Variants in AEBP1 observed in about 807,000 individuals in gnomAD.
AEBP1 encodes AE binding protein 1, also known as adipocyte enhancer-binding protein 1.
In AEBP1, 69 loss-of-function variants were observed where a neutral mutation model predicts 116.5. The ratio of observed to expected loss-of-function variants is 0.59; its 90% confidence interval spans 0.49 to 0.72. AEBP1 has a LOEUF of 0.72. AEBP1 is among the 30% of genes least tolerant of loss of function. The pLI is 0.00. For synonymous variants in AEBP1, 627 were observed against 627.3 expected, an observed-to-expected ratio of 1.00 and a Z score of 0.01; for missense variants, 1,444 against 1,557.5, an observed-to-expected ratio of 0.93 and a Z score of 1.23.
Position 44,113,533 on chromosome 7 carries a change from G to A in AEBP1, c.2810-61G>A. Reference sequence around the variant, plus strand: ...AGGGCGGGGCTGGGGGCAGGACTGAGTGGGAGGGTGGGGGCCTGGGAGGGG... The same window carrying A: ...AGGGCGGGGCTGGGGGCAGGACTGAATGGGAGGGTGGGGGCCTGGGAGGGG... On this transcript the variant is annotated intron_variant, in intron 20 of 20. Coordinates refer to ENST00000223357, the MANE Select transcript of AEBP1 (RefSeq NM_001129.5). This position sits in a 1 kb window ranked among gnomAD's most constrained non-coding sequence, Gnocchi z 5.3. 1 of 1,476,168 alleles carries A rather than the reference G, an allele frequency of 6.8e-7. No homozygotes were observed. The highest frequency in any genetic ancestry group is 2.5e-5 in the East Asian group (1 of 40,650). The allele number at this position is 1,476,168 out of a possible 1,614,324, so 91.4% of individuals were successfully genotyped here. A position where few individuals can be genotyped will look rare whatever the true frequency, so the allele number is the denominator to read the frequency against.
intron 10 of AEBP1, 30 bp from the exon 11 acceptor site, chr7:44,110,177 C>A (rs770758237): frequency 6.2e-7 from 1 of 1,613,402 alleles, no homozygotes; most frequent in Admixed American, 1.7e-5. Flanking sequence ...CTCCTCCGCC[C>A]ATGCTCAGCC....
chr7:44,106,130 T>G (rs1456886328), intron 1 of AEBP1: 1 of 466,050 alleles, frequency 2.1e-6, no homozygotes, highest in Non-Finnish European at 4.3e-6. Flanking sequence ...CCCATGTCCC[T>G]TCCTTTGTAT....
Position 44,112,556 on chromosome 7 carries a change from A to G in AEBP1, c.2218-2A>G. Reference sequence around the variant, plus strand: ...TGGCCTCACACGTGCTGGCCACTCCAGGTATCCACGGAGGTCCGGGCCATC... The same window carrying G: ...TGGCCTCACACGTGCTGGCCACTCCGGGTATCCACGGAGGTCCGGGCCATC... On this transcript the variant is annotated splice_acceptor_variant, in intron 17 of 20. Coordinates refer to ENST00000223357, the MANE Select transcript of AEBP1 (RefSeq NM_001129.5). LOFTEE classifies it high-confidence loss of function. This position sits in a 1 kb window ranked among gnomAD's most constrained non-coding sequence, Gnocchi z 6.6. The G allele has an allele frequency of 8.9e-6, 14 of 1,576,480 alleles. No homozygotes were observed. Among genetic ancestry groups the G allele is most frequent in the Non-Finnish European group, 1.2e-5 (14 of 1,157,000 alleles).
chr7:44,110,701 C>T (rs201370765), intron 11 of AEBP1, 24 bp from the exon 12 acceptor site: 118 of 1,513,942 alleles, frequency 7.8e-5, no homozygotes, highest in African/African-American at 1.4e-5. Flanking sequence ...AAGACCCTTG[C>T]TCTGACCACT....
chr7:44,109,375 G>GCCC, intron 9 of AEBP1, 34 bp downstream of exon 9: 2 of 752,338 alleles, frequency 2.7e-6, no homozygotes, highest in Non-Finnish European at 4.2e-6. Context: ...GAGGGTGGGG[G>GCCC]CCACAGGATG....
In AEBP1 at chr7:44,111,870, C is replaced by G. The variant is rs368996866; in HGVS notation, c.1857C>G (p.Arg619=). The G allele has an allele frequency of 7.4e-6, 12 of 1,613,240 alleles. No homozygotes were observed. The highest frequency in any genetic ancestry group is 9.3e-6 in the Non-Finnish European group (11 of 1,179,896). Residue 619 remains arginine, a synonymous_variant, in exon 16 of 21, where the codon CGC becomes CGG. Coordinates refer to ENST00000223357, the MANE Select transcript of AEBP1 (RefSeq NM_001129.5). The surrounding 1 kb of genome is among the most constrained non-coding windows in gnomAD (Gnocchi z 4.7). Reference sequence around the variant, plus strand: ...CCCTTGCAGGGGAGCCCGAGTTCCGCTACACTGCTGGGATCCATGGCAACG... The same window carrying G: ...CCCTTGCAGGGGAGCCCGAGTTCCGGTACACTGCTGGGATCCATGGCAACG... The part of the protein sequence containing the change: ...GEHELGEPEF[R]YTAGIHGNEV...
At position 44,113,348 on chromosome 7, in the gene AEBP1, A is replaced by G. The variant is rs2128809385; in HGVS notation, c.2806A>G (p.Thr936Ala). ...GAGTGGCATTAATCACGGCGTGAAG[A>G]CAGGTACCTAGTGTGCACACCTTTA... ...SVSGINHGVK[T>A]ASGGDYWRIL... The change falls in exon 20 of 21, where the codon ACA becomes GCA. Residue 936 changes from threonine (T) to alanine (A), a missense_variant. Physicochemically the swap from Thr to Ala is moderately conservative, Grantham distance 58 (BLOSUM62 0). Coordinates refer to ENST00000223357, the MANE Select transcript of AEBP1 (RefSeq NM_001129.5). This position sits in a 1 kb window ranked among gnomAD's most constrained non-coding sequence, Gnocchi z 5.3. 1 of 1,611,492 alleles carries G rather than the reference A, an allele frequency of 6.2e-7. No individual in the cohort carries two copies.
chr7:44,110,496 C>T, intron 11 of AEBP1, 150 bp downstream of exon 11: 1 of 1,248,194 alleles, frequency 8.0e-7, no homozygotes, highest in Admixed American at 2.4e-5. Context: ...TGCCCATCCC[C>T]ACTCCTCAGC....
In AEBP1 at chr7:44,104,505, A is replaced by G; in HGVS notation, c.-161A>G. 1 of 393,840 alleles carries G rather than the reference A, an allele frequency of 2.5e-6. No homozygotes were observed. The highest frequency in any genetic ancestry group is 4.1e-6 in the Non-Finnish European group (1 of 241,356). The allele number at this position is 393,840 out of a possible 1,614,324, so 24.4% of individuals were successfully genotyped here. A position where few individuals can be genotyped will look rare whatever the true frequency, so the allele number is the denominator to read the frequency against. Reference sequence around the variant, plus strand: ...CGGGTCCCCTCGCCCACCCTAATCCACTCTCCCTCCCTTTCCCGGATTCCC... The same window carrying G: ...CGGGTCCCCTCGCCCACCCTAATCCGCTCTCCCTCCCTTTCCCGGATTCCC... On this transcript the variant is annotated 5_prime_UTR_variant, in exon 1 of 21. Transcript: ENST00000223357.
rs754359160 is a variant in AEBP1 at position 44,113,822 on chromosome 7, CCCAACAGCG to C, written c.3039_3047del (p.Gln1014_Arg1016del). 6.2e-7 allele frequency: 1 copy of C among 1,614,012 alleles called. No homozygotes were observed. Among genetic ancestry groups the C allele is most frequent in the South Asian group, 1.1e-5 (1 of 91,086 alleles). Reference sequence around the variant, plus strand: ...ATAGACCCATCGCGCCCTATGACCCCCCAACAGCGACGCCTGCAGCAGCGACGCCTACAA... The same window carrying C: ...ATAGACCCATCGCGCCCTATGACCCCACGCCTGCAGCAGCGACGCCTACAA... On this transcript the variant is annotated inframe_deletion, in exon 21 of 21. Coordinates refer to ENST00000223357, the MANE Select transcript of AEBP1 (RefSeq NM_001129.5). The surrounding 1 kb of genome is among the most constrained non-coding windows in gnomAD (Gnocchi z 5.3).
rs1300827704 is a variant in AEBP1, at chr7:44,113,504, G to A, written c.2810-90G>A. 8.9e-6 allele frequency: 12 copies of A among 1,348,740 alleles called. No individual in the cohort carries two copies. In the East Asian group the frequency reaches 2.7e-4, roughly 30 times the overall value. The allele number at this position is 1,348,740 out of a possible 1,614,324, so 83.5% of individuals were successfully genotyped here. ...CGGTGCTGGGGGCGGGAACTCAGAGGGGGAGGGCGGGGCTGGGGGCAGGAC... is the reference window on the plus strand; with the variant it reads ...CGGTGCTGGGGGCGGGAACTCAGAGAGGGAGGGCGGGGCTGGGGGCAGGAC... On this transcript the variant is annotated intron_variant, in intron 20 of 20. Transcript: ENST00000223357. This position sits in a 1 kb window ranked among gnomAD's most constrained non-coding sequence, Gnocchi z 5.3.
Position 44,107,844 on chromosome 7 carries a change from C to A in AEBP1, c.775C>A (p.Pro259Thr), listed in dbSNP as rs755639223. The part of the protein sequence containing the change: ...YIRRQKQPRP[P>T]PSRRRRPERV... ...TCGGCGCCAGAAGCAACCCAGGCCA[C>A]CCCCAAGCAGAAGGAGGAGGCCCGA... Residue 259 changes from proline to threonine, a missense_variant, in exon 5 of 21, where the codon CCC (proline) becomes ACC (threonine). Coordinates refer to ENST00000223357, the MANE Select transcript of AEBP1 (RefSeq NM_001129.5). The surrounding 1 kb of genome is among the most constrained non-coding windows in gnomAD (Gnocchi z 4.3). The A allele has an allele frequency of 2.5e-6, 4 of 1,610,934 alleles. No homozygotes were observed. Among genetic ancestry groups the A allele is most frequent in the Non-Finnish European group, 3.4e-6 (4 of 1,179,244 alleles).
intron 12 of AEBP1, 48 bp from the exon 13 acceptor site, chr7:44,110,865 G>A: frequency 1.9e-6 from 3 of 1,612,650 alleles, no homozygotes; most frequent in South Asian, 1.1e-5. Flanking sequence ...CGAGGGGTGG[G>A]CTCTCAGAGG....
In AEBP1 at chr7:44,109,136, A is replaced by C. The variant is rs765955366; in HGVS notation, c.1048A>C (p.Lys350Gln). Residue 350 changes from lysine to glutamine, a missense_variant, in exon 8 of 21, where the codon AAG becomes CAG. Physicochemically the swap from Lys to Gln is moderately conservative, Grantham distance 53. Transcript: ENST00000223357. ...ACCCAAAAAGGAGGACAGCAGCCCC[A>C]AGGAGGAGACCGACAAGTGGGCAGT... The part of the protein sequence containing the change: ...KKPKKEDSSP[K>Q]EETDKWAVEK... 6.2e-7 allele frequency: 1 copy of C among 1,613,646 alleles called. No homozygotes were observed. The highest frequency in any genetic ancestry group is 1.3e-5 in the African/African-American group (1 of 75,030).
Position 44,112,502 on chromosome 7 carries a change from G to A in AEBP1, c.2218-56G>A. ...GCTTCATGGAGGGTGATCGGGCTAGGTTGGGGATAGTGGCCGGAGCTGCAG... is the reference window on the plus strand; with the variant it reads ...GCTTCATGGAGGGTGATCGGGCTAGATTGGGGATAGTGGCCGGAGCTGCAG... On this transcript the variant is annotated intron_variant, in intron 17 of 20. Coordinates refer to ENST00000223357, the MANE Select transcript of AEBP1 (RefSeq NM_001129.5). This position sits in a 1 kb window ranked among gnomAD's most constrained non-coding sequence, Gnocchi z 6.6. 7.3e-7 allele frequency: 1 copy of A among 1,376,354 alleles called. No individual in the cohort carries two copies. Among genetic ancestry groups the A allele is most frequent in the South Asian group, 1.4e-5 (1 of 73,816 alleles). 85.3% of individuals were successfully genotyped at this position (1,376,354 alleles called of 1,614,324 possible). A position where few individuals can be genotyped will look rare whatever the true frequency, so the allele number is the denominator to read the frequency against.
rs765514411 is a variant in AEBP1 at position 44,112,264 on chromosome 7, C to T, written c.2160C>T (p.Tyr720=). The T allele has an allele frequency of 6.3e-7, 1 of 1,595,084 alleles. No individual in the cohort carries two copies. Among genetic ancestry groups the T allele is most frequent in the Non-Finnish European group, 8.6e-7 (1 of 1,168,036 alleles). ...WGAEERKWVP[Y]RVPNNNLPIP... Reference sequence around the variant, plus strand: ...CTGAGGAGAGGAAATGGGTCCCCTACCGGGTCCCCAACAATAACTTGCCCA... The same window carrying T: ...CTGAGGAGAGGAAATGGGTCCCCTATCGGGTCCCCAACAATAACTTGCCCA... The change falls in exon 17 of 21, where the codon TAC becomes TAT. Residue 720 remains tyrosine (Y), a synonymous_variant. Coordinates refer to ENST00000223357, the MANE Select transcript of AEBP1 (RefSeq NM_001129.5). This position sits in a 1 kb window ranked among gnomAD's most constrained non-coding sequence, Gnocchi z 6.6.
chr7:44,107,527 C>G lies in AEBP1; in HGVS notation c.667+17C>G. On this transcript the variant is annotated intron_variant, in intron 3 of 20. Transcript: ENST00000223357. This position sits in a 1 kb window ranked among gnomAD's most constrained non-coding sequence, Gnocchi z 4.3. ...ACCAGCCTGGTGAGTGGCCGTCATCCGCCTGGCCTTGGGGCCAGCTGCCCT... is the reference window on the plus strand; with the variant it reads ...ACCAGCCTGGTGAGTGGCCGTCATCGGCCTGGCCTTGGGGCCAGCTGCCCT... 3 of 1,613,414 alleles carry G rather than the reference C, an allele frequency of 1.9e-6. No individual in the cohort carries two copies. Among genetic ancestry groups the G allele is most frequent in the Non-Finnish European group, 2.5e-6 (3 of 1,179,924 alleles).
Position 44,104,622 on chromosome 7 carries a change from G to T in AEBP1, c.-44G>T. 7.3e-7 allele frequency: 1 copy of T among 1,361,118 alleles called. No homozygotes were observed. Among genetic ancestry groups the T allele is most frequent in the East Asian group, 2.8e-5 (1 of 35,692 alleles). 84.3% of individuals were successfully genotyped at this position (1,361,118 alleles called of 1,614,324 possible). ...CCTTTCCCAGAGACCCAGAGCCCCT[G>T]ACCCCCCGCGCCCTCCCCGGAGCCC... On this transcript the variant is annotated 5_prime_UTR_variant, in exon 1 of 21. Coordinates refer to ENST00000223357, the MANE Select transcript of AEBP1 (RefSeq NM_001129.5).
intron 1 of AEBP1, 40 bp downstream of exon 1, chr7:44,104,958 A>G: frequency 6.8e-7 from 1 of 1,465,096 alleles, no homozygotes; most frequent in Non-Finnish European, 9.1e-7. Context: ...GGGGGCTGGC[A>G]TCTCAGGTGG....
Sources: allele counts gnomAD v4.1 joint callset, GRCh38; gene constraint gnomAD v4.1.1; non-coding constraint Gnocchi (gnomAD v3.1); transcripts MANE v1.5; gene names NCBI Gene and HGNC (gene_info 2026-07-23, HGNC 2026-07-21).